The following MICAL3 variants were observed in gnomAD, a reference collection of about 807,000 sequenced individuals.
MICAL3 encodes the protein microtubule associated monooxygenase, calponin and LIM domain containing 3.
A neutral mutation model predicts 207.4 loss-of-function variants in MICAL3; 62 were observed. The ratio of observed to expected loss-of-function variants is 0.30; its 90% CI spans 0.24 to 0.37. The LOEUF (loss-of-function observed/expected upper bound fraction) is 0.37. Ranked by LOEUF, MICAL3 falls within the 10% of genes least tolerant of loss-of-function variation. The probability of loss-of-function intolerance (pLI) is 1.00; values close to 1 mark genes in which losing one functional copy is unlikely to be tolerated. For synonymous variants in MICAL3, 1,077 were observed against 1,069.3 expected, an observed-to-expected ratio of 1.01 and a Z score of -0.14; for missense variants, 2,368 against 2,635.6, an observed-to-expected ratio of 0.90 and a Z score of 2.22.
chr22:17,791,517 G>A (rs1398815801), intron 29 of MICAL3: 33 of 581,262 alleles, frequency 5.7e-5, no homozygotes, highest in South Asian at 3.9e-4. Context: ...TGTTCACCCC[G>A]TCAGCGACCT....
chr22:17,956,014 G>A (rs1244267553), intron 1 of MICAL3, among the ~76,000 whole-genome samples: 1 of 152,238 alleles, frequency 6.6e-6, no homozygotes, highest in Non-Finnish European at 1.5e-5. Context: ...ATGAGCACAA[G>A]GGAAGAAAAT....
chr22:17,808,156 C>T (rs1193711610), intron 29 of MICAL3, among the ~76,000 whole-genome samples: 1 of 152,240 alleles, frequency 6.6e-6, no homozygotes, highest in East Asian at 1.9e-4. Context: ...CGCAGGTTCC[C>T]TGGATGGAAT....
intron 1 of MICAL3, among the ~76,000 whole-genome samples, chr22:17,922,131 CCT>C (rs1251249384): frequency 6.7e-6 from 1 of 149,106 alleles, no homozygotes; most frequent in Non-Finnish European, 1.5e-5. Context: ...CACCTTTTCC[CCT>C]GTGTTCCCTC....
chr22:17,789,398 T>G lies in MICAL3; in HGVS notation c.*1334A>C, dbSNP rs1447624404. 1 of 152,120 alleles carries G rather than the reference T, an allele frequency of 6.6e-6. No individual in the cohort carries two copies. Among genetic ancestry groups the G allele is most frequent in the African/African-American group, 2.4e-5 (1 of 41,370 alleles). The allele number at this position is 152,120 out of a possible 1,614,324, so 9.4% of individuals were successfully genotyped here. On this transcript the variant is annotated 3_prime_UTR_variant, in exon 32 of 32. Coordinates refer to ENST00000441493, the MANE Select transcript of MICAL3 (RefSeq NM_015241.3). ...TCTTTAACATATGTGCGGAGGAAGG[T>G]GATGCCCTGGCCCCCAAACTGAGAC...
rs553945515 is a variant in MICAL3, at chr22:17,947,825, A to G, written c.-74-40939T>C. Reference sequence around the variant, plus strand: ...GTGATTCTCCCACTTCAGCCTCCCAATGTGCTGGGATTAAAGGTAATGAGC... The same window carrying G: ...GTGATTCTCCCACTTCAGCCTCCCAGTGTGCTGGGATTAAAGGTAATGAGC... On this transcript the variant is annotated intron_variant, in intron 1 of 31. Transcript: ENST00000441493. 1.2e-4 allele frequency among the ~76,000 whole-genome samples: 18 copies of G among 152,312 alleles called. No individual in the cohort carries two copies. In the East Asian group the frequency reaches 1.9e-3, roughly 16 times the overall value.
At chr22:17,889,313 TTC>T (rs1446296626) in intron 12 of MICAL3, 83 bp from the exon 13 acceptor site, 15 of 1,027,496 alleles carry the variant, frequency 1.5e-5, no homozygotes, top group Middle Eastern at 2.4e-4. Context: ...TCATCGTCCT[TTC>T]TCTGTTTTCA....
chr22:17,969,620 T>C (rs571774330), intron 1 of MICAL3, among the ~76,000 whole-genome samples: 6 of 152,328 alleles, frequency 3.9e-5, no homozygotes, highest in Non-Finnish European at 8.8e-5. Context: ...GCCCTTGATC[T>C]GTGAGGAGGT....
At chr22:17,897,968 T>C (rs1045256108) in intron 7 of MICAL3, among the ~76,000 whole-genome samples, 1 of 152,224 alleles carries the variant, frequency 6.6e-6, no homozygotes, top group Non-Finnish European at 1.5e-5. Context: ...ATGATGGTCC[T>C]TTCAGCCACC....
chr22:17,903,830 A>C (rs1317230324), intron 3 of MICAL3, among the ~76,000 whole-genome samples: 1 of 152,242 alleles, frequency 6.6e-6, no homozygotes, highest in Non-Finnish European at 1.5e-5. Context: ...GACTGTGTTT[A>C]CAGGACACAT....
intron 19 of MICAL3, among the ~76,000 whole-genome samples, chr22:17,856,853 A>C (rs796985240): frequency 2.9e-4 from 44 of 151,364 alleles, no homozygotes; most frequent in African/African-American, 8.2e-4. Context: ...GATCTCCTGA[A>C]CTCATGATCC....
intron 8 of MICAL3, 40 bp from the exon 9 acceptor site, chr22:17,896,401 C>A: frequency 8.4e-7 from 1 of 1,189,848 alleles, no homozygotes; most frequent in Non-Finnish European, 1.2e-6. Context: ...AAATATAACA[C>A]ACCTTTCAAA....
chr22:17,997,624 G>A (rs1360987047), intron 1 of MICAL3, among the ~76,000 whole-genome samples: 1 of 152,116 alleles, frequency 6.6e-6, no homozygotes, highest in Admixed American at 6.5e-5. Flanking sequence ...GTTAGCACAC[G>A]GGTTAGGAGG....
chr22:17,875,583 A>G, intron 16 of MICAL3: 6 of 1,424,306 alleles, frequency 4.2e-6, no homozygotes, highest in East Asian at 2.5e-5. Flanking sequence ...AGAAAAACAA[A>G]AGTAAAGGAA....
chr22:17,944,665 G>C (rs946235974), intron 1 of MICAL3, among the ~76,000 whole-genome samples: 4 of 152,190 alleles, frequency 2.6e-5, no homozygotes, highest in African/African-American at 7.2e-5. Context: ...GGACAGGCAG[G>C]TGTCAAGAGA....
At chr22:17,957,743 CGAGAGAGA>C (rs35596616) in intron 1 of MICAL3, among the ~76,000 whole-genome samples, 3 of 138,338 alleles carry the variant, frequency 2.2e-5, no homozygotes, top group African/African-American at 8.1e-5. Flanking sequence ...AGAAAGAAAA[CGAGAGAGA>C]GAGAGAGAGA....
chr22:17,819,235 C>T (rs578006841), intron 25 of MICAL3, 106 bp from the exon 26 acceptor site: 8 of 1,160,760 alleles, frequency 6.9e-6, no homozygotes, highest in African/African-American at 1.6e-5. Context: ...GTGCCTGCTG[C>T]AGGACTTCCC....
At chr22:17,886,173 G>A in intron 15 of MICAL3, 122 bp from the exon 16 acceptor site, 1 of 1,029,004 alleles carries the variant, frequency 9.7e-7, no homozygotes, top group Non-Finnish European at 1.4e-6. Flanking sequence ...AGCTCTCAAG[G>A]TTCCCGTGTC....
At position 17,996,175 on chromosome 22, in the gene MICAL3, C is replaced by T. The variant is rs563379863; in HGVS notation, c.-75+28106G>A. Among the ~76,000 whole-genome samples the T allele has an allele frequency of 1.3e-4, 20 of 148,452 alleles. No homozygotes were observed. The East Asian group carries it at 3.6e-3, about 27-fold the overall frequency. ...AAAAAAAAGGCTGGGCACAGTGGCT[C>T]ACACCTGTAATCCCAACACTTTGGG... is the stretch of plus-strand genomic sequence containing the variant. On this transcript the variant is annotated intron_variant, in intron 1 of 31. Transcript: ENST00000441493.
intron 16 of MICAL3, among the ~76,000 whole-genome samples, chr22:17,883,536 G>A (rs774726701): frequency 2.0e-5 from 3 of 152,124 alleles, no homozygotes; most frequent in South Asian, 2.1e-4. Flanking sequence ...AAATGATATC[G>A]GACAACGAGG....
Sources: allele counts gnomAD v4.1 joint callset (sites outside exome capture counted in the v4.1 genomes callset), GRCh38; gene constraint gnomAD v4.1.1; transcripts MANE v1.5; gene names NCBI Gene and HGNC (gene_info 2026-07-23, HGNC 2026-07-21).